The following CUX2 variants were observed in gnomAD, a reference collection of about 807,000 sequenced individuals.
CUX2 encodes homeobox protein cut-like 2.
In CUX2, 40 loss-of-function variants were observed where a neutral mutation model predicts 144.8. The observed-to-expected ratio is 0.28, with a 90% CI of 0.21 to 0.36. The LOEUF is 0.36. CUX2 is among the 10% of genes least tolerant of loss of function. The probability of loss-of-function intolerance (pLI) is 1.00; values close to 1 mark genes in which losing one functional copy is unlikely to be tolerated. For synonymous variants in CUX2, 827 were observed against 875.6 expected (o/e 0.94, Z 0.98); for missense variants, 1,615 against 1,994.0 (o/e 0.81, Z 3.62).
chr12:111,334,102 G>A (rs540217389), intron 18 of CUX2, among the ~76,000 whole-genome samples: 55 of 150,388 alleles, frequency 3.7e-4, no homozygotes, highest in African/African-American at 1.1e-3. Context: ...CAGGAGAATC[G>A]CTTGAACCCG....
At chr12:111,063,694 C>T (rs185337455) in intron 1 of CUX2, among the ~76,000 whole-genome samples, 182 of 152,320 alleles carry the variant, frequency 1.2e-3, no homozygotes, top group African/African-American at 4.2e-3. Context: ...AGGGAGGTAG[C>T]GAGTCCGGGG....
At chr12:111,229,387 A>G (rs905297023) in intron 3 of CUX2, among the ~76,000 whole-genome samples, 1 of 152,172 alleles carries the variant, frequency 6.6e-6, no homozygotes, top group Non-Finnish European at 1.5e-5. Flanking sequence ...GCCTTCAGAC[A>G]TCCAATATCA....
At chr12:111,036,801 G>A (rs972170042) in intron 1 of CUX2, among the ~76,000 whole-genome samples, 1 of 152,030 alleles carries the variant, frequency 6.6e-6, no homozygotes, top group African/African-American at 2.4e-5. Context: ...CGTGGCAGCC[G>A]TGGCCGCGTG....
Position 111,308,336 on chromosome 12 carries a change from A to G in CUX2, c.1158+3A>G, listed in dbSNP as rs1194028918. 3 of 1,614,118 alleles carry G rather than the reference A, an allele frequency of 1.9e-6. No homozygotes were observed. The highest frequency in any genetic ancestry group is 2.5e-6 in the Non-Finnish European group (3 of 1,179,998). On this transcript the variant is annotated splice_donor_region_variant and intron_variant, in intron 13 of 21. Transcript: ENST00000261726. The stretch of plus-strand genomic sequence containing the variant: ...CCAGCACCTGCAGCCTCCCCCAGGT[A>G]AGTGTCCCTGCCACCATCCCTGCAG...
chr12:111,279,854 T>A (rs1009488587), intron 4 of CUX2, among the ~76,000 whole-genome samples: 1 of 152,248 alleles, frequency 6.6e-6, no homozygotes, highest in African/African-American at 2.4e-5. Flanking sequence ...TGGTGGCACA[T>A]GCCTTTAGTC....
At position 111,320,042 on chromosome 12, in the gene CUX2, G is replaced by T; in HGVS notation, c.2033G>T (p.Ser678Ile). 6.5e-7 allele frequency: 1 copy of T among 1,540,860 alleles called. No individual in the cohort carries two copies. Among genetic ancestry groups the T allele is most frequent in the Non-Finnish European group, 8.7e-7 (1 of 1,148,366 alleles). The change falls in exon 17 of 22, where the codon AGC becomes ATC. Residue 678 changes from serine (S) to isoleucine (I), a missense_variant. Physicochemically the swap from Ser to Ile is moderately radical, Grantham distance 142 (BLOSUM62 -2). Coordinates refer to ENST00000261726, the MANE Select transcript of CUX2 (RefSeq NM_015267.4). The surrounding 1 kb of genome is among the most constrained non-coding windows in gnomAD (Gnocchi z 8.1). ...CCCAAGACCTCGGTGGCCCCGCTGA[G>T]CATCGCCAACGGCACGACCCCCGCC... is the stretch of plus-strand genomic sequence containing the variant. Reference protein sequence around the residue: ...GEPKTSVAPLSIANGTTPAST... With the variant: ...GEPKTSVAPLIIANGTTPAST...
At chr12:111,329,932 C>T (rs11065865) in intron 18 of CUX2, among the ~76,000 whole-genome samples, 2,129 of 152,286 alleles carry the variant, frequency 0.014, 59 homozygotes, top group East Asian at 0.12. Context: ...CCACCATGCC[C>T]GGCCCAAAGA....
At position 111,057,170 on chromosome 12, in the gene CUX2, AGGAAAT is replaced by A. The variant is rs145622741; in HGVS notation, c.63+22933_63+22938del. Among the ~76,000 whole-genome samples the A allele has an allele frequency of 8.0e-4, 121 of 152,176 alleles. 1 individual carries two copies. The East Asian group carries it at 0.023, about 28-fold the overall frequency. ...GTTGTGTGACGAGAGTGAGTATGACAGGAAATGGCCTGAGCTGCAGTGGGTGTGATA... is the reference window on the plus strand; with the variant it reads ...GTTGTGTGACGAGAGTGAGTATGACAGGCCTGAGCTGCAGTGGGTGTGATA... On this transcript the variant is annotated intron_variant, in intron 1 of 21. Coordinates refer to ENST00000261726, the MANE Select transcript of CUX2 (RefSeq NM_015267.4). This position sits in a 1 kb window ranked among gnomAD's most constrained non-coding sequence, Gnocchi z 5.1.
chr12:111,249,400 CTTTTTTTTTTTT>C (rs778334868), intron 3 of CUX2, among the ~76,000 whole-genome samples: 2 of 80,116 alleles, frequency 2.5e-5, no homozygotes, highest in Non-Finnish European at 5.1e-5. Context: ...GTGCTATTGC[CTTTTTTTTTTTT>C]TTTTTTTTTT....
At chr12:111,086,979 C>T (rs770728783) in intron 1 of CUX2, among the ~76,000 whole-genome samples, 2 of 152,120 alleles carry the variant, frequency 1.3e-5, no homozygotes, top group African/African-American at 4.8e-5. Context: ...CATTGCTATT[C>T]GAGCTGTCAA....
intron 3 of CUX2, among the ~76,000 whole-genome samples, chr12:111,233,773 G>A (rs892173634): frequency 2.6e-5 from 4 of 152,210 alleles, no homozygotes; most frequent in Non-Finnish European, 4.4e-5. Context: ...ATACTGAGAA[G>A]TTGAAGAGCT....
Position 111,255,229 on chromosome 12 carries a change from G to A in CUX2, c.223-8532G>A, listed in dbSNP as rs1461106766. Among the ~76,000 whole-genome samples the A allele has an allele frequency of 6.6e-6, 1 of 152,264 alleles. No homozygotes were observed. The highest frequency in any genetic ancestry group is 1.5e-5 in the Non-Finnish European group (1 of 68,044). ...CCCTGGGTGACCCTCCAGAGGGCCA[G>A]AGAGGGTCTCCAATTTCTGCCCCAT... On this transcript the variant is annotated intron_variant, in intron 3 of 21. Transcript: ENST00000261726. The surrounding 1 kb of genome is among the most constrained non-coding windows in gnomAD (Gnocchi z 4.1).
chr12:111,196,276 T>C (rs1314855210), intron 1 of CUX2, among the ~76,000 whole-genome samples: 6 of 152,246 alleles, frequency 3.9e-5, no homozygotes, highest in Admixed American at 2.0e-4. Context: ...TGTGGGTTGT[T>C]TGTACTTTTT....
At chr12:111,339,910 A>G (rs1312243533) in intron 20 of CUX2, among the ~76,000 whole-genome samples, 3 of 152,218 alleles carry the variant, frequency 2.0e-5, no homozygotes, top group Non-Finnish European at 2.9e-5. Context: ...AAAACAAGAG[A>G]GCTGGCTCAA....
At chr12:111,200,851 C>G (rs1195713622) in intron 1 of CUX2, among the ~76,000 whole-genome samples, 1 of 152,222 alleles carries the variant, frequency 6.6e-6, no homozygotes, top group Non-Finnish European at 1.5e-5. Flanking sequence ...TTCGTGCTTA[C>G]AAACTAGCCT....
chr12:111,145,141 C>T (rs79987051), intron 1 of CUX2, among the ~76,000 whole-genome samples: 1 of 152,336 alleles, frequency 6.6e-6, no homozygotes, highest in East Asian at 1.9e-4. Flanking sequence ...TGTCAGGGCA[C>T]AGGGACAGAA....
intron 1 of CUX2, among the ~76,000 whole-genome samples, chr12:111,062,509 T>C (rs958197672): frequency 3.3e-5 from 5 of 152,062 alleles, no homozygotes; most frequent in Admixed American, 3.3e-4. Context: ...GAGTCATCCA[T>C]TCAACAAGTA....
At chr12:111,192,926 T>C (rs935905744) in intron 1 of CUX2, among the ~76,000 whole-genome samples, 6 of 152,346 alleles carry the variant, frequency 3.9e-5, no homozygotes, top group African/African-American at 1.2e-4. Context: ...GTCTCAGTTT[T>C]AATTTTGAAT....
intron 1 of CUX2, among the ~76,000 whole-genome samples, chr12:111,138,038 C>T (rs1352221248): frequency 6.6e-6 from 1 of 152,212 alleles, no homozygotes; most frequent in East Asian, 1.9e-4. Context: ...CGGCTCTAGC[C>T]TGGACTGCTG....
Sources: gnomAD v4.1 joint callset for allele counts (sites outside exome capture counted in the v4.1 genomes callset) on GRCh38, gnomAD v4.1.1 for gene constraint, Gnocchi (gnomAD v3.1) non-coding constraint, MANE v1.5 for transcripts, NCBI Gene and HGNC (gene_info 2026-07-23, HGNC 2026-07-21) for gene names.